KCMF1: variants seen among roughly 807,000 people sequenced by gnomAD.
The protein encoded by KCMF1 is potassium channel modulatory factor 1.
KCMF1 carries 3 observed loss-of-function variants against 41.1 expected under a neutral mutation model. The ratio of observed to expected loss-of-function variants is 0.07; its 90% confidence interval spans 0.03 to 0.19. KCMF1 has a LOEUF of 0.19. Ranked by LOEUF, KCMF1 falls within the 10% of genes least tolerant of loss-of-function variation. The probability of loss-of-function intolerance (pLI) is 1.00; values close to 1 mark genes in which losing one functional copy is unlikely to be tolerated. For synonymous variants in KCMF1, 142 were observed against 164.5 expected (o/e 0.86, Z 1.04); for missense variants, 286 against 488.9 (o/e 0.58, Z 3.91).
intron 1 of KCMF1, 113 bp from the exon 2 acceptor site, chr2:85,027,776 T>C: frequency 1.6e-6 from 1 of 637,458 alleles, no homozygotes; most frequent in Non-Finnish European, 2.7e-6. Context: ...AAGTCATTTC[T>C]AGTCATTTTG....
Position 85,028,061 on chromosome 2 carries a change from GTAAT to G in KCMF1, c.184+9_184+12del. 6.4e-7 allele frequency: 1 copy of G among 1,550,962 alleles called. No homozygotes were observed. The highest frequency in any genetic ancestry group is 8.7e-7 in the Non-Finnish European group (1 of 1,146,334). ...TATTAACAAGGGTAGATTTTGGTAA[GTAAT>G]TAAAAATTTAATGAATTACATCATT... On this transcript the variant is annotated splice_donor_region_variant and intron_variant, in intron 2 of 6. Coordinates refer to ENST00000409785, the MANE Select transcript of KCMF1 (RefSeq NM_020122.5).
chr2:85,014,709 G>T (rs939707609), intron 1 of KCMF1, among the ~76,000 whole-genome samples: 3 of 127,986 alleles, frequency 2.3e-5, no homozygotes, highest in Non-Finnish European at 3.4e-5. Flanking sequence ...TGGCGCGCGC[G>T]TGCGTGCGTG....
intron 1 of KCMF1, among the ~76,000 whole-genome samples, chr2:84,985,157 A>T (rs1002734554): frequency 6.6e-6 from 1 of 152,236 alleles, no homozygotes; most frequent in South Asian, 2.1e-4. Context: ...CACAGAGGCC[A>T]TGTGGCTGGA....
At chr2:85,003,842 C>G (rs1674395798) in intron 1 of KCMF1, among the ~76,000 whole-genome samples, 1 of 152,098 alleles carries the variant, frequency 6.6e-6, no homozygotes. Flanking sequence ...ATGTAGCAAG[C>G]ATGTAATTGT....
In KCMF1 at chr2:85,024,737, T is replaced by C. The variant is rs144202202; in HGVS notation, c.17-3152T>C. On this transcript the variant is annotated intron_variant, in intron 1 of 6. Coordinates refer to ENST00000409785, the MANE Select transcript of KCMF1 (RefSeq NM_020122.5). ...GAATCCGTCTTTAAACCATGTGGAA[T>C]TGATTTTTTGTGTGTATAGGATATG... Among the ~76,000 whole-genome samples, 538 of 152,316 alleles carry C rather than the reference T, an allele frequency of 3.5e-3. 3 individuals carry two copies. The highest frequency in any genetic ancestry group is 0.012 in the African/African-American group (499 of 41,570).
At chr2:84,985,914 A>G (rs1673890928) in intron 1 of KCMF1, among the ~76,000 whole-genome samples, 1 of 152,188 alleles carries the variant, frequency 6.6e-6, no homozygotes, top group Non-Finnish European at 1.5e-5. Flanking sequence ...TAACACAGAA[A>G]TATATTTTAT....
At chr2:84,986,088 G>T (rs1169358057) in intron 1 of KCMF1, among the ~76,000 whole-genome samples, 1 of 152,082 alleles carries the variant, frequency 6.6e-6, no homozygotes, top group Non-Finnish European at 1.5e-5. Context: ...TTCATGGATT[G>T]TCACCTCCTA....
chr2:84,982,357 T>C (rs1673781382), intron 1 of KCMF1, among the ~76,000 whole-genome samples: 1 of 148,212 alleles, frequency 6.7e-6, no homozygotes, highest in Admixed American at 6.8e-5. Flanking sequence ...GCAGGGATTA[T>C]ATAAAGGAGT....
At chr2:85,003,844 T>C (rs1246390892) in intron 1 of KCMF1, among the ~76,000 whole-genome samples, 12 of 152,220 alleles carry the variant, frequency 7.9e-5, no homozygotes, top group African/African-American at 2.6e-4. Context: ...GTAGCAAGCA[T>C]GTAATTGTGT....
chr2:84,982,247 A>G lies in KCMF1; in HGVS notation c.16+10780A>G, dbSNP rs540513134. Among the ~76,000 whole-genome samples the G allele has an allele frequency of 4.6e-5, 7 of 152,218 alleles. No homozygotes were observed. In the South Asian group the frequency reaches 1.4e-3, roughly 32 times the overall value. On this transcript the variant is annotated intron_variant, in intron 1 of 6. Transcript: ENST00000409785. ...AGCTGTACCCTACTGTTCTTGTTCC[A>G]CCAGTATTCTCCTTTGGTGTCCTCT...
chr2:85,034,911 T>G, intron 2 of KCMF1, 105 bp from the exon 3 acceptor site: 2 of 977,178 alleles, frequency 2.0e-6, no homozygotes, highest in Non-Finnish European at 2.9e-6. Context: ...CATGAACCAC[T>G]GCTCCTGGCC....
intron 1 of KCMF1, among the ~76,000 whole-genome samples, chr2:84,980,313 A>T (rs967460659): frequency 6.6e-6 from 1 of 152,164 alleles, no homozygotes; most frequent in African/African-American, 2.4e-5. Context: ...GAGGAAAGAC[A>T]GGCAAGGTGG....
Position 85,053,376 on chromosome 2 carries a change from T to C in KCMF1, c.1113T>C (p.Asn371=). ...AAAACCTAAATTTAAAAGAGAGTAA[T>C]AAAGGAAATGAGCCTCCACCACCTC... ...ALENLNLKES[N]KGNEPPPPPL The change falls in exon 7 of 7, where the codon AAT becomes AAC. Residue 371 remains asparagine, a synonymous_variant. Transcript: ENST00000409785. 6.2e-7 allele frequency: 1 copy of C among 1,613,172 alleles called. No homozygotes were observed. The highest frequency in any genetic ancestry group is 8.5e-7 in the Non-Finnish European group (1 of 1,179,526).
rs1674017530 is a variant in KCMF1 at position 84,990,540 on chromosome 2, GACTC to G, written c.16+19078_16+19081del. ...AGAGTGAGAGAATAAGGATTGCAGT[GACTC>G]ACTCCTGTAATCTCAATACTTTGGG... On this transcript the variant is annotated intron_variant, in intron 1 of 6. Transcript: ENST00000409785. 2.0e-5 allele frequency among the ~76,000 whole-genome samples: 3 copies of G among 152,066 alleles called. No homozygotes were observed. In the South Asian group the frequency reaches 6.2e-4, roughly 31 times the overall value.
rs183620284 is a variant in KCMF1 at position 85,055,164 on chromosome 2, A to G, written c.*1755A>G. The G allele has an allele frequency of 1.6e-3, 247 of 152,348 alleles. 1 individual carries two copies. Among genetic ancestry groups the G allele is most frequent in the African/African-American group, 5.5e-3 (229 of 41,588 alleles). 9.4% of individuals were successfully genotyped at this position (152,348 alleles called of 1,614,324 possible). A position where few individuals can be genotyped will look rare whatever the true frequency, so the allele number is the denominator to read the frequency against. The stretch of plus-strand genomic sequence containing the variant: ...TTCATTTGGTTGTTGAGAAGTTTCA[A>G]AAATCAGTTTTCAAGCTGTGGTCTT... On this transcript the variant is annotated 3_prime_UTR_variant, in exon 7 of 7. Coordinates refer to ENST00000409785, the MANE Select transcript of KCMF1 (RefSeq NM_020122.5).
At chr2:85,041,654 T>C (rs547581675) in intron 3 of KCMF1, among the ~76,000 whole-genome samples, 2 of 152,202 alleles carry the variant, frequency 1.3e-5, no homozygotes, top group South Asian at 4.1e-4. Context: ...GTAATAAAAC[T>C]ATAACCCAGC....
At chr2:84,978,111 C>A (rs1673597815) in intron 1 of KCMF1, among the ~76,000 whole-genome samples, 1 of 152,066 alleles carries the variant, frequency 6.6e-6, no homozygotes, top group African/African-American at 2.4e-5. Flanking sequence ...GATTCTCCTG[C>A]CTCAGCCTCT....
chr2:85,001,070 T>A (rs1674315435), intron 1 of KCMF1, among the ~76,000 whole-genome samples: 1 of 151,506 alleles, frequency 6.6e-6, no homozygotes, highest in Non-Finnish European at 1.5e-5. Context: ...CAAGTGATCT[T>A]CCTGCTCCAC....
intron 1 of KCMF1, among the ~76,000 whole-genome samples, chr2:84,993,902 T>TTTTTGTTTTGTTTTGTTTTG (rs199701778): frequency 7.4e-6 from 1 of 135,284 alleles, no homozygotes; most frequent in African/African-American, 2.9e-5. Context: ...GTTTGAACAT[T>TTTTTGTTTTGTTTTGTTTTG]TTTTGTTTTG....
Sources: allele counts gnomAD v4.1 joint callset (sites outside exome capture counted in the v4.1 genomes callset), GRCh38; gene constraint gnomAD v4.1.1; transcripts MANE v1.5; gene names NCBI Gene and HGNC (gene_info 2026-07-23, HGNC 2026-07-21).